CSMD3: variants seen among roughly 807,000 people sequenced by gnomAD.
The protein encoded by CSMD3 is CUB and sushi domain-containing protein 3.
CSMD3 carries 177 observed loss-of-function variants against 435.2 expected under a neutral mutation model. The observed-to-expected ratio is 0.41, with a 90% CI of 0.36 to 0.46. The LOEUF (loss-of-function observed/expected upper bound fraction) is 0.46. Among genes scored for constraint, CSMD3 ranks in the 20% least tolerant of loss-of-function variants. The probability of loss-of-function intolerance (pLI) is 0.34; values close to 1 mark genes in which losing one functional copy is unlikely to be tolerated. For missense variants in CSMD3, 4,265 were observed against 4,504.6 expected (o/e 0.95, Z 1.52); for synonymous variants, 1,656 against 1,520.5 (o/e 1.09, Z -2.07).
At chr8:112,812,909 T>C (rs184620980) in intron 12 of CSMD3, among the ~76,000 whole-genome samples, 2 of 152,326 alleles carry the variant, frequency 1.3e-5, no homozygotes, top group Non-Finnish European at 2.9e-5. Context: ...GAACATAATC[T>C]ATTACACTTT....
intron 7 of CSMD3, among the ~76,000 whole-genome samples, chr8:112,972,683 A>T (rs1312356018): frequency 6.6e-6 from 1 of 152,004 alleles, no homozygotes; most frequent in Non-Finnish European, 1.5e-5. Flanking sequence ...AAATAATTTA[A>T]GTAAATTTTC....
intron 9 of CSMD3, among the ~76,000 whole-genome samples, chr8:112,934,281 C>A (rs2083209264): frequency 6.6e-6 from 1 of 152,122 alleles, no homozygotes; most frequent in Non-Finnish European, 1.5e-5. Context: ...AATAACAGTA[C>A]CAGCATCTAT....
chr8:112,950,352 A>T (rs2083764339), intron 8 of CSMD3, among the ~76,000 whole-genome samples: 1 of 151,864 alleles, frequency 6.6e-6, no homozygotes, highest in Non-Finnish European at 1.5e-5. Context: ...TGGCATGAAA[A>T]TGAGGAAAAG....
At chr8:112,345,981 C>T (rs1435527182) in intron 41 of CSMD3, 116 bp downstream of exon 41, 1 of 764,594 alleles carries the variant, frequency 1.3e-6, no homozygotes, top group African/African-American at 1.7e-5. Flanking sequence ...GTATGTATTC[C>T]TAAACTAAAC....
chr8:112,488,056 A>G (rs974717076), intron 31 of CSMD3, among the ~76,000 whole-genome samples: 2 of 152,226 alleles, frequency 1.3e-5, no homozygotes, highest in Non-Finnish European at 2.9e-5. Context: ...TGACAATATC[A>G]TCAGCTAAAC....
At chr8:112,765,245 T>C (rs1171657663) in intron 13 of CSMD3, among the ~76,000 whole-genome samples, 1 of 151,566 alleles carries the variant, frequency 6.6e-6, no homozygotes, top group Middle Eastern at 3.2e-3. Flanking sequence ...TGATTTTTAA[T>C]TGTCAGGCAA....
intron 60 of CSMD3, among the ~76,000 whole-genome samples, 161 bp downstream of exon 60, chr8:112,265,250 T>C (rs1439873539): frequency 6.6e-6 from 1 of 151,818 alleles, no homozygotes; most frequent in Non-Finnish European, 1.5e-5. Context: ...ATTCTATATA[T>C]TAAAATAAAA....
In CSMD3 at chr8:112,346,269, TA is replaced by T. The variant is rs1409622958; in HGVS notation, c.6326-57del. On this transcript the variant is annotated intron_variant, in intron 40 of 70. Transcript: ENST00000297405. ...AGAGTAGAGGAATAATTTACTGTAT[TA>T]AAAAACATATTAAAATCATTTCACG... is the stretch of plus-strand genomic sequence containing the variant. 1.4e-5 allele frequency: 14 copies of T among 1,022,236 alleles called. No homozygotes were observed. The East Asian group carries it at 2.8e-4, about 21-fold the overall frequency. 63.3% of individuals were successfully genotyped at this position (1,022,236 alleles called of 1,614,324 possible).
intron 11 of CSMD3, among the ~76,000 whole-genome samples, chr8:112,833,485 A>G (rs961520216): frequency 3.3e-5 from 5 of 152,092 alleles, no homozygotes; most frequent in Non-Finnish European, 5.9e-5. Context: ...TATTATTTAA[A>G]AACATTTGTA....
intron 53 of CSMD3, among the ~76,000 whole-genome samples, chr8:112,299,494 G>C (rs1820699868): frequency 2.6e-5 from 4 of 152,014 alleles, no homozygotes; most frequent in African/African-American, 9.7e-5. Context: ...TGGATTGATG[G>C]AGGCCTGGAA....
chr8:112,947,039 A>C (rs1903097), intron 9 of CSMD3, among the ~76,000 whole-genome samples: 63,398 of 151,318 alleles, frequency 0.42, 13,505 homozygotes, highest in African/African-American at 0.48. Flanking sequence ...ACATTAGCAT[A>C]AATAATTGAA....
At chr8:112,317,763 T>G (rs1344418716) in intron 47 of CSMD3, among the ~76,000 whole-genome samples, 1 of 152,060 alleles carries the variant, frequency 6.6e-6, no homozygotes, top group Non-Finnish European at 1.5e-5. Context: ...TCCTGCAATC[T>G]TTTTATCTTC....
intron 67 of CSMD3, among the ~76,000 whole-genome samples, chr8:112,234,888 T>C (rs1333124872): frequency 3.3e-5 from 5 of 152,200 alleles, no homozygotes; most frequent in African/African-American, 9.7e-5. Flanking sequence ...TGAAAAACAG[T>C]ATTCTAGGTG....
intron 1 of CSMD3, among the ~76,000 whole-genome samples, chr8:113,318,432 C>T (rs1048109276): frequency 3.9e-5 from 6 of 152,108 alleles, no homozygotes; most frequent in Admixed American, 3.3e-4. Flanking sequence ...TTTTGTTTGA[C>T]AAGAGTAGCT....
At chr8:112,850,088 T>G (rs987768624) in intron 11 of CSMD3, among the ~76,000 whole-genome samples, 3 of 152,184 alleles carry the variant, frequency 2.0e-5, no homozygotes, top group African/African-American at 7.2e-5. Context: ...TTTAGAAACA[T>G]TCTTCATATA....
At chr8:113,243,022 A>C (rs2093236464) in intron 3 of CSMD3, among the ~76,000 whole-genome samples, 1 of 152,014 alleles carries the variant, frequency 6.6e-6, no homozygotes, top group Non-Finnish European at 1.5e-5. Context: ...AAAACCTGAC[A>C]ATAGTTCTGC....
chr8:112,478,838 A>AGCC (rs1437826443), intron 31 of CSMD3, among the ~76,000 whole-genome samples: 1 of 152,088 alleles, frequency 6.6e-6, no homozygotes, highest in Non-Finnish European at 1.5e-5. Flanking sequence ...CTTTCTAAAT[A>AGCC]ATGTCTTTTA....
intron 7 of CSMD3, among the ~76,000 whole-genome samples, chr8:112,957,732 C>T (rs1315265292): frequency 1.4e-5 from 2 of 144,148 alleles, no homozygotes; most frequent in Non-Finnish European, 3.0e-5. Flanking sequence ...CGGTGTAAAC[C>T]CACAGCTCCC....
At chr8:112,473,563 G>A (rs777202415) in intron 31 of CSMD3, among the ~76,000 whole-genome samples, 2 of 152,044 alleles carry the variant, frequency 1.3e-5, no homozygotes, top group Admixed American at 6.6e-5. Flanking sequence ...TTATTATCCT[G>A]GGGGTCAAGG....
Sources: allele counts gnomAD v4.1 joint callset (sites outside exome capture counted in the v4.1 genomes callset), GRCh38; gene constraint gnomAD v4.1.1; transcripts MANE v1.5; gene names NCBI Gene and HGNC (gene_info 2026-07-23, HGNC 2026-07-21).